Variants in SLC16A6 observed in about 807,000 individuals in gnomAD.
The protein encoded by SLC16A6 is monocarboxylate transporter 7.
In SLC16A6, 15 loss-of-function variants were observed where a neutral mutation model predicts 33.8. The ratio of observed to expected loss-of-function variants is 0.44; its 90% CI spans 0.30 to 0.68. The LOEUF is 0.68. SLC16A6 is among the 30% of genes least tolerant of loss of function. The pLI, the probability that SLC16A6 is intolerant of heterozygous loss-of-function variation, is 0.10. For synonymous variants in SLC16A6, 219 were observed against 248.4 expected (o/e 0.88, Z 1.11); for missense variants, 451 against 661.5 (o/e 0.68, Z 3.49).
At chr17:68,290,984 C>T (rs1454060554) in intron 1 of SLC16A6, 102 bp downstream of exon 1, 1 of 152,092 alleles carries the variant, frequency 6.6e-6, no homozygotes, top group Non-Finnish European at 1.5e-5. Flanking sequence ...GTGGTCTCCT[C>T]CGCCTCCCAT....
intron 1 of SLC16A6, among the ~76,000 whole-genome samples, chr17:68,287,953 TTCTCTC>T (rs150311794): frequency 6.8e-6 from 1 of 146,150 alleles, no homozygotes; most frequent in Non-Finnish European, 1.5e-5. Context: ...CTCTCTCTCT[TTCTCTC>T]TCTCTCTCTC....
chr17:68,275,559 T>C (rs1174594729), intron 2 of SLC16A6, among the ~76,000 whole-genome samples: 1 of 152,234 alleles, frequency 6.6e-6, no homozygotes, highest in Non-Finnish European at 1.5e-5. Context: ...TTTTTATTTT[T>C]AGTTATAAAA....
chr17:68,286,137 T>C (rs1316954917), intron 1 of SLC16A6, among the ~76,000 whole-genome samples: 1 of 152,164 alleles, frequency 6.6e-6, no homozygotes. Context: ...TGGGACCAGA[T>C]TGCAGTTTTT....
chr17:68,278,227 A>G lies in SLC16A6; in HGVS notation c.94T>C (p.Phe32Leu). Reference protein sequence around the residue: ...GWGWAVAVSFFFVEVFTYGII... With the variant: ...GWGWAVAVSFLFVEVFTYGII... ...CCGTAGGTGAAGACTTCAACGAAGA[A>G]AAATGAAACAGCTACCGCCCAGCCC... Residue 32 changes from phenylalanine to leucine, a missense_variant, in exon 2 of 6, where the codon TTC becomes CTC. By Grantham distance (22) the Phe-to-Leu change is conservative. This residue lies in a region of SLC16A6 where 405 missense variants were observed against 510.7 expected (regional missense o/e 0.79). Transcript: ENST00000580666. 6.2e-7 allele frequency: 1 copy of G among 1,614,240 alleles called. No homozygotes were observed. The highest frequency in any genetic ancestry group is 8.5e-7 in the Non-Finnish European group (1 of 1,180,040).
chr17:68,279,805 G>A (rs2075634786), intron 1 of SLC16A6, among the ~76,000 whole-genome samples: 1 of 152,050 alleles, frequency 6.6e-6, no homozygotes, highest in African/African-American at 2.4e-5. Flanking sequence ...TGTATTTTTA[G>A]CCTAACTAAA....
In SLC16A6 at chr17:68,272,034, C is replaced by T. The variant is rs1300517241; in HGVS notation, c.506-380G>A. ...GCCAGGATGGTCTCGATCTCCTGACCTCCTGATCTGCCTGCCTCGGCCTCT... is the reference window on the plus strand; with the variant it reads ...GCCAGGATGGTCTCGATCTCCTGACTTCCTGATCTGCCTGCCTCGGCCTCT... On this transcript the variant is annotated intron_variant, in intron 4 of 5. Transcript: ENST00000580666. 2.6e-5 allele frequency among the ~76,000 whole-genome samples: 4 copies of T among 152,254 alleles called. No individual in the cohort carries two copies. In the East Asian group the frequency reaches 7.7e-4, roughly 29 times the overall value.
At chr17:68,270,268 C>T (rs1568403139) in intron 5 of SLC16A6, among the ~76,000 whole-genome samples, 1 of 152,024 alleles carries the variant, frequency 6.6e-6, no homozygotes, top group Non-Finnish European at 1.5e-5. Flanking sequence ...CAGAAAAAGC[C>T]TGGGTTGGCG....
chr17:68,280,642 T>C (rs2075664538), intron 1 of SLC16A6, among the ~76,000 whole-genome samples: 1 of 152,074 alleles, frequency 6.6e-6, no homozygotes, highest in African/African-American at 2.4e-5. Context: ...CAACTAAAAA[T>C]GGATCAAAGA....
rs1425213439 is a variant in SLC16A6, at chr17:68,281,090, C to G, written c.-7-2763G>C. On this transcript the variant is annotated intron_variant, in intron 1 of 5. Coordinates refer to ENST00000580666, the MANE Select transcript of SLC16A6 (RefSeq NM_004694.5). ...GCAGTGAGCTGAGATCATGCCACTT[C>G]ACTCTAGCCTGGGTGACAGAAGGAG... is the stretch of plus-strand genomic sequence containing the variant. Among the ~76,000 whole-genome samples, 3 of 145,636 alleles carry G rather than the reference C, an allele frequency of 2.1e-5. No homozygotes were observed. In the East Asian group the frequency reaches 6.3e-4, roughly 30 times the overall value.
chr17:68,285,643 C>T (rs1174193751), intron 1 of SLC16A6: 1 of 152,252 alleles, frequency 6.6e-6, no homozygotes, highest in African/African-American at 2.4e-5. Flanking sequence ...GCGCTCCAGC[C>T]TGCGTGACAA....
At chr17:68,276,957 T>C (rs1465871779) in intron 2 of SLC16A6, among the ~76,000 whole-genome samples, 1 of 152,186 alleles carries the variant, frequency 6.6e-6, no homozygotes, top group Non-Finnish European at 1.5e-5. Flanking sequence ...TATTATGTAA[T>C]GATGAATCAG....
At position 68,268,610 on chromosome 17, in the gene SLC16A6, CTT is replaced by C. The variant is rs199839077; in HGVS notation, c.*484_*485del. 5.6e-5 allele frequency: 8 copies of C among 143,762 alleles called. No homozygotes were observed. The highest frequency in any genetic ancestry group is 7.0e-5 in the Admixed American group (1 of 14,266). 8.9% of individuals were successfully genotyped at this position (143,762 alleles called of 1,614,324 possible). The stretch of plus-strand genomic sequence containing the variant: ...TAGGAATTTTAAAAATGATTGAAGT[CTT>C]TTTTTTTTTGACTGGCCAATTTCAT... On this transcript the variant is annotated 3_prime_UTR_variant, in exon 6 of 6. Coordinates refer to ENST00000580666, the MANE Select transcript of SLC16A6 (RefSeq NM_004694.5).
intron 1 of SLC16A6, among the ~76,000 whole-genome samples, chr17:68,284,067 G>A (rs1048127699): frequency 2.2e-5 from 3 of 138,618 alleles, no homozygotes; most frequent in Admixed American, 7.7e-5. Flanking sequence ...CTCCAGCCTA[G>A]AGTGAGCAAT....
Position 68,271,947 on chromosome 17 carries a change from C to T in SLC16A6, c.506-293G>A, listed in dbSNP as rs1479004020. On this transcript the variant is annotated intron_variant, in intron 4 of 5. Transcript: ENST00000580666. The surrounding 1 kb of genome is among the most constrained non-coding windows in gnomAD (Gnocchi z 5.3). ...CCTCCTGAGTAGCTGGGACTATAGG[C>T]GTGCGCCACCACGACCAGCCAATTT... Among the ~76,000 whole-genome samples the T allele has an allele frequency of 2.6e-5, 4 of 152,176 alleles. No individual in the cohort carries two copies. Among genetic ancestry groups the T allele is most frequent in the Admixed American group, 1.3e-4 (2 of 15,270 alleles).
intron 1 of SLC16A6, among the ~76,000 whole-genome samples, chr17:68,282,060 A>C: frequency 6.6e-6 from 1 of 152,222 alleles, no homozygotes. Flanking sequence ...ACGTATGTTT[A>C]TTGCGGCACT....
intron 1 of SLC16A6, 48 bp from the exon 2 acceptor site, chr17:68,278,375 T>C: frequency 8.2e-7 from 1 of 1,218,602 alleles, no homozygotes; most frequent in Non-Finnish European, 1.2e-6. Flanking sequence ...AGCATGAGGA[T>C]CGATGATTCT....
intron 1 of SLC16A6, among the ~76,000 whole-genome samples, chr17:68,286,049 GC>G (rs1382073129): frequency 1.3e-5 from 2 of 152,262 alleles, no homozygotes; most frequent in East Asian, 3.9e-4. Flanking sequence ...GTGAGCCACC[GC>G]GCCTGGCATA....
intron 1 of SLC16A6, chr17:68,285,689 AACTCCTGGGCTCAAGTG>A (rs2075825115): frequency 6.6e-6 from 1 of 152,220 alleles, no homozygotes; most frequent in East Asian, 1.9e-4. Context: ...AAAACAAAAA[AACTCCTGGGCTCAAGTG>A]ACCCTACTCA....
Position 68,274,015 on chromosome 17 carries a change from C to G in SLC16A6, c.288G>C (p.Leu96Phe), listed in dbSNP as rs782622730. ...TCCCGGTGCTGACAAGTAGCCCCCC[C>G]AACATCACTACCAGACGGTGTCCGA... ...NRFGHRLVVM[L>F]GGLLVSTGMV... The change falls in exon 3 of 6, where the codon TTG (leucine) becomes TTC (phenylalanine). Residue 96 changes from leucine (L) to phenylalanine (F), a missense_variant. Physicochemically the swap from Leu to Phe is conservative, Grantham distance 22 (BLOSUM62 0). Coordinates refer to ENST00000580666, the MANE Select transcript of SLC16A6 (RefSeq NM_004694.5). 1 of 1,614,172 alleles carries G rather than the reference C, an allele frequency of 6.2e-7. No homozygotes were observed. The highest frequency in any genetic ancestry group is 1.1e-5 in the South Asian group (1 of 91,078).
Sources: allele counts gnomAD v4.1 joint callset (sites outside exome capture counted in the v4.1 genomes callset), GRCh38; gene constraint gnomAD v4.1.1; regional missense constraint gnomAD v4.1.1; non-coding constraint Gnocchi (gnomAD v3.1); transcripts MANE v1.5; gene names NCBI Gene and HGNC (gene_info 2026-07-23, HGNC 2026-07-21).